The following GDAP1 variants were observed in gnomAD, a reference collection of about 807,000 sequenced individuals.
GDAP1 encodes ganglioside-induced differentiation-associated protein 1.
A neutral mutation model predicts 40.1 loss-of-function variants in GDAP1; 34 were observed. The observed-to-expected ratio is 0.85, with a 90% confidence interval of 0.64 to 1.13. GDAP1 has a LOEUF of 1.13. Ranked by LOEUF, GDAP1 falls within the 50% of genes most tolerant of loss-of-function variation. The probability of loss-of-function intolerance (pLI) is 0.00; values close to 1 mark genes in which losing one functional copy is unlikely to be tolerated. For missense variants in GDAP1, 374 were observed against 433.7 expected (o/e 0.86, Z 1.22); for synonymous variants, 170 against 157.4 (o/e 1.08, Z -0.60).
chr8:74,429,339 TG>T (rs1158419945), intron 2 of GDAP1, among the ~76,000 whole-genome samples: 2 of 151,988 alleles, frequency 1.3e-5, no homozygotes, highest in African/African-American at 4.8e-5. Context: ...AAGAGACAAA[TG>T]GCTAATTATA....
At chr8:74,468,277 G>T (rs1806499344) in intron 2 of GDAP1, among the ~76,000 whole-genome samples, 1 of 151,568 alleles carries the variant, frequency 6.6e-6, no homozygotes. Flanking sequence ...TTTGGAATCT[G>T]CTTATCTATA....
intron 2 of GDAP1, among the ~76,000 whole-genome samples, chr8:74,463,167 T>G (rs1027580586): frequency 1.1e-4 from 1 of 8,918 alleles, no homozygotes; most frequent in African/African-American, 3.9e-4. Context: ...CAAGAATATT[T>G]TAGGATAGGT....
chr8:74,365,455 C>G lies in GDAP1; in HGVS notation c.*1088C>G, dbSNP rs528273703. On this transcript the variant is annotated 3_prime_UTR_variant, in exon 6 of 6. Transcript: ENST00000220822. ...GTGGAAGGGACAGTCTCGGTGTGTCCCATGAATAACCTTGGAACTGCAACA... is the reference window on the plus strand; with the variant it reads ...GTGGAAGGGACAGTCTCGGTGTGTCGCATGAATAACCTTGGAACTGCAACA... 20 of 453,496 alleles carry G rather than the reference C, an allele frequency of 4.4e-5. No individual in the cohort carries two copies. The highest frequency in any genetic ancestry group is 2.6e-4 in the African/African-American group (13 of 49,908). 28.1% of individuals were successfully genotyped at this position (453,496 alleles called of 1,614,324 possible). A position where few individuals can be genotyped will look rare whatever the true frequency, so the allele number is the denominator to read the frequency against.
chr8:74,430,747 G>A (rs941261176), intron 2 of GDAP1, among the ~76,000 whole-genome samples: 2 of 151,732 alleles, frequency 1.3e-5, no homozygotes, highest in Non-Finnish European at 2.9e-5. Flanking sequence ...CAAATCTTGT[G>A]TGTTCAGTTA....
chr8:74,372,249 A>G (rs536625665), intron 2 of GDAP1, among the ~76,000 whole-genome samples: 3 of 152,198 alleles, frequency 2.0e-5, no homozygotes, highest in Non-Finnish European at 4.4e-5. Context: ...GTGTCTTTAT[A>G]GCAGCATGAT....
At chr8:74,398,467 C>G (rs967284491) in intron 2 of GDAP1, among the ~76,000 whole-genome samples, 4 of 152,190 alleles carry the variant, frequency 2.6e-5, no homozygotes, top group Non-Finnish European at 5.9e-5. Flanking sequence ...ATGGGGTTTT[C>G]TAGATATACA....
intron 2 of GDAP1, among the ~76,000 whole-genome samples, chr8:74,425,982 C>T (rs952985982): frequency 1.1e-4 from 16 of 152,080 alleles, no homozygotes; most frequent in South Asian, 2.1e-4. Flanking sequence ...TCCTCATTGG[C>T]GACTTTTTAC....
intron 2 of GDAP1, among the ~76,000 whole-genome samples, chr8:74,450,251 T>G (rs1008277242): frequency 6.6e-6 from 1 of 151,896 alleles, no homozygotes; most frequent in Non-Finnish European, 1.5e-5. Context: ...TTACATTTAT[T>G]ACCTAAGATA....
At chr8:74,404,390 A>G (rs1016189480) in intron 2 of GDAP1, among the ~76,000 whole-genome samples, 3 of 149,572 alleles carry the variant, frequency 2.0e-5, no homozygotes, top group Non-Finnish European at 4.4e-5. Context: ...GATGATTACT[A>G]TGTGCCGGGC....
chr8:74,425,260 T>C (rs1805933137), intron 2 of GDAP1, among the ~76,000 whole-genome samples: 1 of 152,238 alleles, frequency 6.6e-6, no homozygotes, highest in Non-Finnish European at 1.5e-5. Flanking sequence ...TGAGTACCAT[T>C]TTCAATGTCT....
chr8:74,353,731 T>G (rs887898229), intron 2 of GDAP1, among the ~76,000 whole-genome samples: 12 of 152,328 alleles, frequency 7.9e-5, no homozygotes, highest in African/African-American at 2.9e-4. Flanking sequence ...ATTAGAATCT[T>G]TGTTTTAACA....
At chr8:74,393,536 T>A (rs1483929356) in intron 2 of GDAP1, among the ~76,000 whole-genome samples, 1 of 152,190 alleles carries the variant, frequency 6.6e-6, no homozygotes, top group African/African-American at 2.4e-5. Context: ...TGATAATGAC[T>A]ATTTTGGGTC....
intron 2 of GDAP1, among the ~76,000 whole-genome samples, chr8:74,417,287 A>G (rs1805795449): frequency 6.7e-6 from 1 of 150,248 alleles, no homozygotes; most frequent in South Asian, 2.1e-4. Flanking sequence ...TTTAGAGCCA[A>G]TATCACAATT....
chr8:74,440,323 T>C (rs1710228486), intron 2 of GDAP1, among the ~76,000 whole-genome samples: 1 of 152,166 alleles, frequency 6.6e-6, no homozygotes, highest in African/African-American at 2.4e-5. Context: ...TAAATTTTAA[T>C]AGAAGCTCTT....
chr8:74,410,559 G>A (rs542536796), intron 2 of GDAP1, among the ~76,000 whole-genome samples: 2 of 150,386 alleles, frequency 1.3e-5, no homozygotes, highest in Non-Finnish European at 2.9e-5. Context: ...ACTCAATGGA[G>A]AAATGAGGAA....
intron 2 of GDAP1, among the ~76,000 whole-genome samples, chr8:74,434,404 A>G (rs1040360549): frequency 6.6e-6 from 1 of 152,244 alleles, no homozygotes; most frequent in African/African-American, 2.4e-5. Flanking sequence ...GTTCTCATGA[A>G]GTAATTAGAC....
At chr8:74,459,363 T>C (rs1259234796) in intron 2 of GDAP1, among the ~76,000 whole-genome samples, 2 of 152,298 alleles carry the variant, frequency 1.3e-5, no homozygotes, top group Admixed American at 1.3e-4. Flanking sequence ...AAGAGCAGCA[T>C]CTCTCAATCT....
chr8:74,457,252 AC>A (rs780630865), intron 2 of GDAP1, among the ~76,000 whole-genome samples: 64 of 152,210 alleles, frequency 4.2e-4, no homozygotes, highest in African/African-American at 1.1e-3. Context: ...TTTCAAAATA[AC>A]CTTTGATGAG....
chr8:74,399,022 T>C (rs1238261326), intron 2 of GDAP1, among the ~76,000 whole-genome samples: 2 of 152,032 alleles, frequency 1.3e-5, no homozygotes, highest in Non-Finnish European at 2.9e-5. Flanking sequence ...TTTTTGGTTG[T>C]GTCTCTGCCC....
Sources: gnomAD v4.1 joint callset for allele counts (sites outside exome capture counted in the v4.1 genomes callset) on GRCh38, gnomAD v4.1.1 for gene constraint, MANE v1.5 for transcripts, NCBI Gene and HGNC (gene_info 2026-07-23, HGNC 2026-07-21) for gene names.